AUTS2: variants seen among roughly 807,000 people sequenced by gnomAD.
AUTS2 encodes activator of transcription and developmental regulator AUTS2, also known as autism susceptibility gene 2 protein.
In AUTS2, 17 loss-of-function variants were observed where a neutral mutation model predicts 112.4. That is an observed-to-expected ratio of 0.15 (90% CI 0.10 to 0.23). The LOEUF (loss-of-function observed/expected upper bound fraction) is 0.23, where lower values mean the gene tolerates loss of function less well. Among genes scored for constraint, AUTS2 ranks in the 10% least tolerant of loss-of-function variants. The probability of loss-of-function intolerance (pLI) is 1.00; values close to 1 mark genes in which losing one functional copy is unlikely to be tolerated. For missense variants in AUTS2, 1,510 were observed against 1,701.6 expected, an observed-to-expected ratio of 0.89 and a Z score of 1.98; for synonymous variants, 751 against 702.7, an observed-to-expected ratio of 1.07 and a Z score of -1.09.
At chr7:70,220,262 A>G (rs1811404518) in intron 4 of AUTS2, among the ~76,000 whole-genome samples, 1 of 152,230 alleles carries the variant, frequency 6.6e-6, no homozygotes, top group African/African-American at 2.4e-5. Context: ...TCATTTAAAA[A>G]TATAAAAGCC....
chr7:69,846,425 C>G (rs1403911106), intron 1 of AUTS2, among the ~76,000 whole-genome samples: 1 of 152,178 alleles, frequency 6.6e-6, no homozygotes, highest in Non-Finnish European at 1.5e-5. Flanking sequence ...CTTTACTTCA[C>G]TCCTTTCTTT....
chr7:70,263,349 G>A (rs1388307177), intron 4 of AUTS2, among the ~76,000 whole-genome samples: 2 of 152,232 alleles, frequency 1.3e-5, no homozygotes, highest in Admixed American at 1.3e-4. Context: ...GAAAATTGGT[G>A]GGTTCCCTTG....
intron 4 of AUTS2, among the ~76,000 whole-genome samples, chr7:70,341,910 T>C (rs528893956): frequency 6.6e-6 from 1 of 152,222 alleles, no homozygotes; most frequent in Non-Finnish European, 1.5e-5. Flanking sequence ...ACTTCAACTA[T>C]AGGTTCTGGT....
intron 2 of AUTS2, among the ~76,000 whole-genome samples, chr7:70,070,877 G>GAAA (rs549466401): frequency 9.9e-6 from 1 of 100,914 alleles, no homozygotes; most frequent in African/African-American, 3.5e-5. Flanking sequence ...GACTCCATCT[G>GAAA]AAAAAAAAAA....
At chr7:69,946,499 G>A (rs897045011) in intron 2 of AUTS2, among the ~76,000 whole-genome samples, 2 of 151,306 alleles carry the variant, frequency 1.3e-5, no homozygotes, top group East Asian at 3.9e-4. Flanking sequence ...TAGTCAAGAC[G>A]TGGAAACAAC....
intron 3 of AUTS2, among the ~76,000 whole-genome samples, chr7:70,125,982 C>A (rs937228527): frequency 6.6e-6 from 1 of 152,140 alleles, no homozygotes; most frequent in African/African-American, 2.4e-5. Flanking sequence ...GGAGCTTTGG[C>A]AGTTGAGACT....
At chr7:69,616,117 T>C (rs952513211) in intron 1 of AUTS2, among the ~76,000 whole-genome samples, 2 of 152,216 alleles carry the variant, frequency 1.3e-5, no homozygotes, top group African/African-American at 4.8e-5. Context: ...TTGCAGCCAG[T>C]TGGCTTCTCA....
intron 4 of AUTS2, chr7:70,292,288 A>C (rs532234539): frequency 6.5e-4 from 99 of 152,344 alleles, no homozygotes; most frequent in African/African-American, 2.1e-3. Flanking sequence ...GCTTTAGTTA[A>C]CATCTGCATC....
At chr7:69,615,311 ATT>A (rs202137961) in intron 1 of AUTS2, among the ~76,000 whole-genome samples, 1 of 150,946 alleles carries the variant, frequency 6.6e-6, no homozygotes, top group African/African-American at 2.4e-5. Flanking sequence ...CTTTAGCATT[ATT>A]TTTTTTTGAG....
At chr7:69,941,674 TA>T (rs1796632524) in intron 2 of AUTS2, among the ~76,000 whole-genome samples, 1 of 151,986 alleles carries the variant, frequency 6.6e-6, no homozygotes, top group African/African-American at 2.4e-5. Flanking sequence ...TAGTAACCAT[TA>T]TAGTCGTCAT....
At chr7:70,753,557 T>C (rs184699412) in intron 6 of AUTS2, among the ~76,000 whole-genome samples, 4 of 152,308 alleles carry the variant, frequency 2.6e-5, no homozygotes, top group Admixed American at 2.6e-4. Flanking sequence ...ATGTCATCCT[T>C]CCATTCGTTC....
At chr7:69,763,066 C>G (rs1251930576) in intron 1 of AUTS2, among the ~76,000 whole-genome samples, 1 of 152,142 alleles carries the variant, frequency 6.6e-6, no homozygotes, top group Admixed American at 6.6e-5. Flanking sequence ...ATTTTCACAC[C>G]TCTAAATGAG....
chr7:69,877,260 T>A (rs1793844169), intron 1 of AUTS2, among the ~76,000 whole-genome samples: 2 of 152,150 alleles, frequency 1.3e-5, no homozygotes, highest in South Asian at 4.1e-4. Context: ...GTGAAAAGCC[T>A]TCTGCCACCA....
At chr7:70,216,412 A>G (rs2129589995) in intron 4 of AUTS2, among the ~76,000 whole-genome samples, 1 of 152,204 alleles carries the variant, frequency 6.6e-6, no homozygotes, top group Middle Eastern at 3.4e-3. Flanking sequence ...TTTAGCATTC[A>G]TTTTCAACTT....
At chr7:70,191,505 C>T (rs1433440548) in intron 4 of AUTS2, among the ~76,000 whole-genome samples, 1 of 152,112 alleles carries the variant, frequency 6.6e-6, no homozygotes, top group South Asian at 2.1e-4. Flanking sequence ...ACTGGTAATA[C>T]AAGACCAAAT....
intron 6 of AUTS2, among the ~76,000 whole-genome samples, chr7:70,754,352 G>A (rs1021004977): frequency 3.3e-5 from 5 of 152,050 alleles, no homozygotes; most frequent in African/African-American, 1.2e-4. Context: ...TAACCAGCAT[G>A]GTGGCACATG....
intron 1 of AUTS2, among the ~76,000 whole-genome samples, chr7:69,709,541 G>A (rs533958333): frequency 4.6e-5 from 7 of 152,290 alleles, no homozygotes; most frequent in Middle Eastern, 3.4e-3. Flanking sequence ...ACCCATAAGA[G>A]TGCTGTCCTT....
intron 5 of AUTS2, among the ~76,000 whole-genome samples, chr7:70,562,610 G>T (rs1801536919): frequency 6.6e-6 from 1 of 152,176 alleles, no homozygotes; most frequent in Admixed American, 6.5e-5. Flanking sequence ...CCACAGGTCT[G>T]ACTGTTCCTA....
chr7:70,703,667 G>T (rs1301736202), intron 6 of AUTS2, among the ~76,000 whole-genome samples: 1 of 152,112 alleles, frequency 6.6e-6, no homozygotes, highest in African/African-American at 2.4e-5. Context: ...GGGTTTAGTC[G>T]CAGGGAGGAC....
Sources: gnomAD v4.1 joint callset for allele counts (sites outside exome capture counted in the v4.1 genomes callset) on GRCh38, gnomAD v4.1.1 for gene constraint, MANE v1.5 for transcripts, NCBI Gene and HGNC (gene_info 2026-07-23, HGNC 2026-07-21) for gene names.